AGBL4: variants seen among roughly 807,000 people sequenced by gnomAD.
AGBL4 encodes the protein cytosolic carboxypeptidase 6.
In AGBL4, 58 loss-of-function variants were observed where a neutral mutation model predicts 66.4. The observed-to-expected ratio is 0.87, with a 90% CI of 0.71 to 1.09. AGBL4 has a LOEUF of 1.09. Ranked by LOEUF, AGBL4 falls within the 50% of genes least tolerant of loss-of-function variation. AGBL4 has a pLI of 0.00. For missense variants in AGBL4, 579 were observed against 631.0 expected, an observed-to-expected ratio of 0.92 and a Z score of 0.88; for synonymous variants, 234 against 222.9, an observed-to-expected ratio of 1.05 and a Z score of -0.44.
chr1:49,576,128 C>T (rs1285553279), intron 3 of AGBL4, among the ~76,000 whole-genome samples: 1 of 152,160 alleles, frequency 6.6e-6, no homozygotes, highest in Non-Finnish European at 1.5e-5. Flanking sequence ...TAAGTTGCTG[C>T]ATTTGACCTC....
At chr1:48,952,947 C>T (rs1657126466) in intron 5 of AGBL4, among the ~76,000 whole-genome samples, 1 of 152,082 alleles carries the variant, frequency 6.6e-6, no homozygotes, top group Non-Finnish European at 1.5e-5. Flanking sequence ...TCCAATGTGG[C>T]CCAGGAAGCC....
At chr1:48,555,092 G>C (rs932060485) in intron 11 of AGBL4, among the ~76,000 whole-genome samples, 1 of 152,072 alleles carries the variant, frequency 6.6e-6, no homozygotes, top group Admixed American at 6.5e-5. Context: ...GGAAATAAGG[G>C]AAGTCAGGGT....
chr1:49,933,406 GA>G (rs1653568518), intron 1 of AGBL4, among the ~76,000 whole-genome samples: 1 of 151,890 alleles, frequency 6.6e-6, no homozygotes, highest in Admixed American at 6.6e-5. Context: ...AATGCTAAGG[GA>G]ATTCAACAAA....
chr1:48,678,775 G>T (rs745517914), intron 6 of AGBL4, among the ~76,000 whole-genome samples: 38 of 152,186 alleles, frequency 2.5e-4, no homozygotes, highest in Non-Finnish European at 3.8e-4. Flanking sequence ...AGTTCCCCAT[G>T]GTGTCCTTTC....
At chr1:49,933,563 A>G (rs1356019823) in intron 1 of AGBL4, among the ~76,000 whole-genome samples, 1 of 152,138 alleles carries the variant, frequency 6.6e-6, no homozygotes, top group Non-Finnish European at 1.5e-5. Flanking sequence ...AAAATTTAAA[A>G]AACAATATTA....
At chr1:49,161,740 C>T (rs911490137) in intron 4 of AGBL4, among the ~76,000 whole-genome samples, 1 of 152,088 alleles carries the variant, frequency 6.6e-6, no homozygotes, top group Non-Finnish European at 1.5e-5. Context: ...TCTCAATTTT[C>T]CCTTTTGGTT....
chr1:49,698,957 T>C (rs1647037550), intron 2 of AGBL4, among the ~76,000 whole-genome samples: 1 of 152,060 alleles, frequency 6.6e-6, no homozygotes, highest in African/African-American at 2.4e-5. Context: ...TTTTATATTA[T>C]TAAATCCTCA....
At chr1:49,601,195 T>G (rs1271925421) in intron 3 of AGBL4, among the ~76,000 whole-genome samples, 1 of 152,216 alleles carries the variant, frequency 6.6e-6, no homozygotes, top group Non-Finnish European at 1.5e-5. Context: ...GTTGGGATAT[T>G]CTCATGGATA....
At chr1:48,888,657 C>T (rs1650607875) in intron 5 of AGBL4, among the ~76,000 whole-genome samples, 2 of 151,492 alleles carry the variant, frequency 1.3e-5, no homozygotes, top group African/African-American at 2.4e-5. Context: ...CTTATGGAAT[C>T]GTGAATCCAT....
At chr1:49,445,951 A>T (rs1342945170) in intron 3 of AGBL4, among the ~76,000 whole-genome samples, 1 of 152,168 alleles carries the variant, frequency 6.6e-6, no homozygotes, top group Non-Finnish European at 1.5e-5. Flanking sequence ...CCCTGAGTTC[A>T]AGTGATTCTC....
At chr1:49,886,169 C>T (rs1028381436) in intron 1 of AGBL4, among the ~76,000 whole-genome samples, 1 of 152,120 alleles carries the variant, frequency 6.6e-6, no homozygotes, top group Admixed American at 6.6e-5. Flanking sequence ...ATGTCCACTT[C>T]CCAACCAGTC....
intron 1 of AGBL4, among the ~76,000 whole-genome samples, chr1:49,948,374 T>C (rs1399204183): frequency 1.8e-5 from 2 of 113,352 alleles, no homozygotes; most frequent in African/African-American, 3.6e-5. Flanking sequence ...ATACATAAAA[T>C]ATATAAATAT....
intron 6 of AGBL4, among the ~76,000 whole-genome samples, chr1:48,737,058 C>T (rs933628095): frequency 5.3e-5 from 8 of 152,010 alleles, no homozygotes; most frequent in African/African-American, 9.7e-5. Flanking sequence ...CAGAGGTGGG[C>T]GGATCACGAG....
In AGBL4 at chr1:49,499,740, T is replaced by TATATATATATATATATATATATATATAC. The variant is rs1557998518; in HGVS notation, c.282+197572_282+197573insGTATATATATATATATATATATATATAT. On this transcript the variant is annotated intron_variant, in intron 3 of 13. Transcript: ENST00000371839. ...GTATTCATATATATATATATATATA[T>TATATATATATATATATATATATATATAC]ACACACATATGCACATATCACATTT... 5.3e-5 allele frequency among the ~76,000 whole-genome samples: 8 copies of TATATATATATATATATATATATATATAC among 151,042 alleles called. No homozygotes were observed. The South Asian group carries it at 1.5e-3, about 28-fold the overall frequency.
chr1:49,120,751 TG>T (rs1271411447), intron 4 of AGBL4, among the ~76,000 whole-genome samples: 2 of 152,352 alleles, frequency 1.3e-5, no homozygotes, highest in South Asian at 4.1e-4. Context: ...AATATTGGCC[TG>T]TCTTGCTAGG....
intron 1 of AGBL4, among the ~76,000 whole-genome samples, chr1:49,985,673 T>G (rs940550512): frequency 2.0e-5 from 3 of 152,184 alleles, no homozygotes; most frequent in Non-Finnish European, 4.4e-5. Flanking sequence ...TGTTCAGCTC[T>G]TCATAAAAAA....
At chr1:49,410,757 C>CA (rs1645298796) in intron 3 of AGBL4, among the ~76,000 whole-genome samples, 1 of 152,136 alleles carries the variant, frequency 6.6e-6, no homozygotes, top group African/African-American at 2.4e-5. Context: ...GCAAATTTGA[C>CA]AAAGTCATCT....
intron 3 of AGBL4, among the ~76,000 whole-genome samples, chr1:49,346,228 C>T (rs112646176): frequency 0.015 from 2,340 of 152,262 alleles, 65 homozygotes; most frequent in African/African-American, 0.054. Context: ...TTAGATTCTA[C>T]TCTCGTCTGT....
At chr1:49,174,164 T>A (rs1433817457) in intron 4 of AGBL4, among the ~76,000 whole-genome samples, 6 of 152,150 alleles carry the variant, frequency 3.9e-5, no homozygotes, top group Non-Finnish European at 2.9e-5. Flanking sequence ...GGCAATGAAG[T>A]TAATTTTTTT....
Sources: allele counts gnomAD v4.1 joint callset (sites outside exome capture counted in the v4.1 genomes callset), GRCh38; gene constraint gnomAD v4.1.1; transcripts MANE v1.5; gene names NCBI Gene and HGNC (gene_info 2026-07-23, HGNC 2026-07-21).